C10orf105: variants seen among roughly 807,000 people sequenced by gnomAD.
The protein encoded by C10orf105 is uncharacterized protein C10orf105.
Under a neutral mutation model 0.6 loss-of-function variants are expected in C10orf105, and 2 were observed. That is an observed-to-expected ratio of 3.18 (90% CI 1.30 to 10.01). The LOEUF (loss-of-function observed/expected upper bound fraction) is 10.01. C10orf105 is among the 30% of genes most tolerant of loss of function. The pLI, the probability that C10orf105 is intolerant of heterozygous loss-of-function variation, is 0.04. For missense variants in C10orf105, 209 were observed against 191.4 expected, an observed-to-expected ratio of 1.09 and a Z score of -0.54; for synonymous variants, 95 against 82.4, an observed-to-expected ratio of 1.15 and a Z score of -0.83.
At chr10:71,737,521 C>T (rs926038082) in intron 1 of C10orf105, among the ~76,000 whole-genome samples, 3 of 152,210 alleles carry the variant, frequency 2.0e-5, no homozygotes, top group African/African-American at 7.2e-5. Context: ...CATGGAATTT[C>T]CTCTGCAGCA....
intron 1 of C10orf105, chr10:71,732,727 GCTGGTATCC>G: frequency 8.5e-7 from 1 of 1,180,386 alleles, no homozygotes. Context: ...ACCTATGCAG[GCTGGTATCC>G]TTCTGTTTTT....
chr10:71,732,278 A>G (rs752970985), intron 1 of C10orf105: 2 of 1,613,354 alleles, frequency 1.2e-6, no homozygotes, highest in Non-Finnish European at 1.7e-6. Flanking sequence ...GTGCGGGTCC[A>G]GGCCTACTCC....
Position 71,712,534 on chromosome 10 carries a change from T to C in C10orf105, c.*3402A>G, listed in dbSNP as rs923282265. 3.1e-6 allele frequency: 3 copies of C among 961,518 alleles called. No homozygotes were observed. In the African/African-American group the frequency reaches 4.9e-5, roughly 16 times the overall value. 59.6% of individuals were successfully genotyped at this position (961,518 alleles called of 1,614,324 possible). A position where few individuals can be genotyped will look rare whatever the true frequency, so the allele number is the denominator to read the frequency against. On this transcript the variant is annotated 3_prime_UTR_variant, in exon 2 of 2. Transcript: ENST00000441508. ...CCTAAGCTAAAAAGGAAGTCACCCC[T>C]TGCAAAGGCTAGGGCAGATGGGGCG...
At chr10:71,725,471 T>G (rs1302091489) in intron 1 of C10orf105, 1 of 1,613,836 alleles carries the variant, frequency 6.2e-7, no homozygotes, top group African/African-American at 1.3e-5. Context: ...CACGTGCTGA[T>G]AGTGGAGGCC....
At chr10:71,723,002 C>T (rs1217629465), upstream of C10orf105, among the ~76,000 whole-genome samples, 1 of 152,210 alleles carries the variant, frequency 6.6e-6, no homozygotes, top group African/African-American at 2.4e-5. Flanking sequence ...GTGATTGGCT[C>T]AGCTTTGATC....
At chr10:71,734,519 A>G in intron 1 of C10orf105, 4 of 1,597,744 alleles carry the variant, frequency 2.5e-6, no homozygotes, top group Non-Finnish European at 3.4e-6. Flanking sequence ...TTGGGCTAGG[A>G]TGAGACCTCA....
Position 71,732,024 on chromosome 10 carries a change from C to T in C10orf105, c.-6+5704G>A, listed in dbSNP as rs571842156. On this transcript the variant is annotated intron_variant, in intron 1 of 1. Transcript: ENST00000398786. ...TGGTGAACTACCGCATCCTGTCGGGCGCAGAGGGGAAGTTTGAGATTGACG... is the reference window on the plus strand; with the variant it reads ...TGGTGAACTACCGCATCCTGTCGGGTGCAGAGGGGAAGTTTGAGATTGACG... 16 of 1,613,774 alleles carry T rather than the reference C, an allele frequency of 9.9e-6. No homozygotes were observed. The African/African-American group carries it at 1.9e-4, about 19-fold the overall frequency.
intron 1 of C10orf105, among the ~76,000 whole-genome samples, chr10:71,733,865 G>A (rs1839472198): frequency 6.6e-6 from 1 of 152,220 alleles, no homozygotes; most frequent in Non-Finnish European, 1.5e-5. Flanking sequence ...AGAGGATACT[G>A]GGAACACAAA....
upstream of C10orf105, among the ~76,000 whole-genome samples, chr10:71,723,111 G>A (rs776540561): frequency 7.2e-5 from 11 of 152,184 alleles, 1 homozygote; most frequent in Non-Finnish European, 1.6e-4. Context: ...GTGAGAGGTG[G>A]TGAGACAAGA....
chr10:71,720,420 A>AACACACACACACACACACACAC (rs57346519), upstream of C10orf105, among the ~76,000 whole-genome samples: 1 of 145,750 alleles, frequency 6.9e-6, no homozygotes, highest in African/African-American at 2.6e-5. Context: ...CTCTTTCCAA[A>AACACACACACACACACACACAC]ACACACACAC....
intron 1 of C10orf105, chr10:71,732,529 G>A (rs1033825703): frequency 5.8e-5 from 77 of 1,321,500 alleles, no homozygotes; most frequent in Non-Finnish European, 7.9e-5. Context: ...CTGCTTGAGA[G>A]GCTGGGGCAG....
Position 71,712,899 on chromosome 10 carries a change from C to T in C10orf105, c.*3037G>A. 1 of 1,498,086 alleles carries T rather than the reference C, an allele frequency of 6.7e-7. No homozygotes were observed. The highest frequency in any genetic ancestry group is 9.1e-7 in the Non-Finnish European group (1 of 1,095,648). The allele number at this position is 1,498,086 out of a possible 1,614,324, so 92.8% of individuals were successfully genotyped here. ...CCCTGAGGGCACATGCTCAGTGGCA[C>T]CAGAGGCGGAAGCAGGTGGGGGCCC... On this transcript the variant is annotated 3_prime_UTR_variant, in exon 2 of 2. Transcript: ENST00000441508.
upstream of C10orf105, chr10:71,724,028 G>A: frequency 6.4e-7 from 1 of 1,554,760 alleles, no homozygotes; most frequent in Non-Finnish European, 8.7e-7. Flanking sequence ...AGTAACTCGT[G>A]TCTCATTCTT....
chr10:71,722,976 A>C (rs997946904), upstream of C10orf105, among the ~76,000 whole-genome samples: 17 of 152,314 alleles, frequency 1.1e-4, no homozygotes, highest in African/African-American at 3.6e-4. Context: ...CAAGGTCAAC[A>C]ATCCCAGAGA....
chr10:71,721,865 T>A (rs2132792612), upstream of C10orf105, among the ~76,000 whole-genome samples: 1 of 152,106 alleles, frequency 6.6e-6, no homozygotes, highest in East Asian at 1.9e-4. Flanking sequence ...CAGACTGGGG[T>A]CCTAGTTCCT....
At chr10:71,732,101 C>T (rs1415644773) in intron 1 of C10orf105, 1 of 1,614,042 alleles carries the variant, frequency 6.2e-7, no homozygotes, top group South Asian at 1.1e-5. Context: ...GAGACCAAGA[C>T]CAGCTACATG....
At chr10:71,719,138 G>A (rs907566492) in intron 1 of C10orf105, among the ~76,000 whole-genome samples, 7 of 152,124 alleles carry the variant, frequency 4.6e-5, no homozygotes, top group Admixed American at 3.3e-4. Flanking sequence ...AGTAGTTCCT[G>A]TGGCAACGAG....
rs1373373626 is a variant in C10orf105, at chr10:71,714,726, G to GT, written c.*1209dup. 6.6e-6 allele frequency: 1 copy of GT among 152,298 alleles called. No individual in the cohort carries two copies. Among genetic ancestry groups the GT allele is most frequent in the Non-Finnish European group, 1.5e-5 (1 of 68,088 alleles). 9.4% of individuals were successfully genotyped at this position (152,298 alleles called of 1,614,324 possible). On this transcript the variant is annotated 3_prime_UTR_variant, in exon 2 of 2. Transcript: ENST00000441508. ...CCAGTGAAGGTTTTGGAGCTGGGGAGTGGCAAGCCAGAGCTCACTCCTTGG... is the reference window on the plus strand; with the variant it reads ...CCAGTGAAGGTTTTGGAGCTGGGGAGTTGGCAAGCCAGAGCTCACTCCTTGG...
chr10:71,733,539 C>A (rs1030266820), intron 1 of C10orf105, among the ~76,000 whole-genome samples: 1 of 152,134 alleles, frequency 6.6e-6, no homozygotes, highest in East Asian at 1.9e-4. Context: ...ACTCCTATCA[C>A]CTAGGAAATG....
Sources: allele counts gnomAD v4.1 joint callset (sites outside exome capture counted in the v4.1 genomes callset), GRCh38; gene constraint gnomAD v4.1.1; transcripts MANE v1.5; gene names NCBI Gene and HGNC (gene_info 2026-07-23, HGNC 2026-07-21).